Variants in TNNT1 observed in about 807,000 individuals in gnomAD.
TNNT1 encodes troponin T1, slow skeletal type, also known as troponin T, slow skeletal muscle.
In TNNT1, 53 loss-of-function variants were observed where a neutral mutation model predicts 50.6. The ratio of observed to expected loss-of-function variants is 1.05; its 90% CI spans 0.84 to 1.32. TNNT1 has a LOEUF of 1.32. Ranked by LOEUF, TNNT1 falls within the 40% of genes most tolerant of loss-of-function variation. The probability of loss-of-function intolerance (pLI) is 0.00; values close to 1 mark genes in which losing one functional copy is unlikely to be tolerated. For synonymous variants in TNNT1, 142 were observed against 138.0 expected (o/e 1.03, Z -0.20); for missense variants, 348 against 381.7 (o/e 0.91, Z 0.74).
chr19:55,146,190 G>A (rs1439492851), intron 5 of TNNT1, among the ~76,000 whole-genome samples: 1 of 152,110 alleles, frequency 6.6e-6, no homozygotes, highest in Non-Finnish European at 1.5e-5. Context: ...CCAGACTGGG[G>A]AAGAAGGCTT....
At chr19:55,145,279 G>T in intron 6 of TNNT1, 1 of 530,968 alleles carries the variant, frequency 1.9e-6, no homozygotes. Flanking sequence ...CTGGGTAACA[G>T]GGTGGAGACT....
chr19:55,145,313 G>A lies in TNNT1; in HGVS notation c.128+231C>T, dbSNP rs1393892018. 5.2e-6 allele frequency: 3 copies of A among 579,976 alleles called. No individual in the cohort carries two copies. In the East Asian group the frequency reaches 8.8e-5, roughly 17 times the overall value. 35.9% of individuals were successfully genotyped at this position (579,976 alleles called of 1,614,324 possible). A position where few individuals can be genotyped will look rare whatever the true frequency, so the allele number is the denominator to read the frequency against. ...CTATGACCACGATGAAGAAGAAGGG[G>A]AAGGAGAAGGAGAAGGGGAAGGGGA... On this transcript the variant is annotated intron_variant, in intron 6 of 13. Transcript: ENST00000588981.
Position 55,145,648 on chromosome 19 carries a change from C to A in TNNT1, c.107-83G>T, listed in dbSNP as rs1380271668. 7 of 1,507,268 alleles carry A rather than the reference C, an allele frequency of 4.6e-6. No homozygotes were observed. The Admixed American group carries it at 8.4e-5, about 18-fold the overall frequency. 93.4% of individuals were successfully genotyped at this position (1,507,268 alleles called of 1,614,324 possible). On this transcript the variant is annotated intron_variant, in intron 5 of 13. Coordinates refer to ENST00000588981, the MANE Select transcript of TNNT1 (RefSeq NM_003283.6). ...AGGCCTGACACACCCTGGGGAGGGACCCCCCAAGCCTCGGCCCCCAGGACC... is the reference window on the plus strand; with the variant it reads ...AGGCCTGACACACCCTGGGGAGGGAACCCCCAAGCCTCGGCCCCCAGGACC...
At chr19:55,141,793 GA>G in intron 7 of TNNT1, 63 bp downstream of exon 7, 4 of 1,588,658 alleles carry the variant, frequency 2.5e-6, no homozygotes, top group Non-Finnish European at 3.5e-6. Flanking sequence ...GCCTTTTCAT[GA>G]TTGACACAAA....
At chr19:55,142,100 T>G (rs1390966829) in intron 6 of TNNT1, 180 bp from the exon 7 acceptor site, 1 of 616,450 alleles carries the variant, frequency 1.6e-6, no homozygotes, top group African/African-American at 1.8e-5. Context: ...ACCTCACTAC[T>G]CATGTTTTTT....
chr19:55,146,664 G>T lies in TNNT1; in HGVS notation c.73+17C>A. The T allele has an allele frequency of 1.4e-6, 2 of 1,447,134 alleles. No individual in the cohort carries two copies. Among genetic ancestry groups the T allele is most frequent in the Non-Finnish European group, 1.8e-6 (2 of 1,083,728 alleles). The allele number at this position is 1,447,134 out of a possible 1,614,324, so 89.6% of individuals were successfully genotyped here. On this transcript the variant is annotated intron_variant, in intron 4 of 13. Coordinates refer to ENST00000588981, the MANE Select transcript of TNNT1 (RefSeq NM_003283.6). ...CCCCACCCCCCAGCTCCAGACCTGCGGAGTCCGGGACCTCACCTTCCTCCT... is the reference window on the plus strand; with the variant it reads ...CCCCACCCCCCAGCTCCAGACCTGCTGAGTCCGGGACCTCACCTTCCTCCT...
At position 55,147,475 on chromosome 19, in the gene TNNT1, A is replaced by G. The variant is rs12977796; in HGVS notation, c.-11-307T>C. The G allele has an allele frequency of 6.4e-3, 1,591 of 247,062 alleles. 32 individuals are homozygous for G. Among genetic ancestry groups the G allele is most frequent in the African/African-American group, 0.018 (253 of 14,168 alleles). The allele number at this position is 247,062 out of a possible 1,614,324, so 15.3% of individuals were successfully genotyped here. On this transcript the variant is annotated intron_variant, in intron 1 of 13. Transcript: ENST00000588981. The stretch of plus-strand genomic sequence containing the variant: ...GGGGCCTGGACTCCTGGGTCTGAGG[A>G]AGGAGGGGCTGGGGCCTGGACTTCT...
At chr19:55,145,358 G>T in intron 6 of TNNT1, 186 bp downstream of exon 6, 2 of 657,158 alleles carry the variant, frequency 3.0e-6, no homozygotes, top group Non-Finnish European at 5.5e-6. Context: ...AGTGGAGGAG[G>T]AGGAGGGAGG....
chr19:55,139,620 G>A (rs2742059), intron 9 of TNNT1, among the ~76,000 whole-genome samples: 63,380 of 151,666 alleles, frequency 0.42, 15,643 homozygotes, highest in African/African-American at 0.67. Context: ...TTCCCCACAG[G>A]TAATCCAGGA....
intron 5 of TNNT1, 45 bp downstream of exon 5, chr19:55,146,389 C>CG: frequency 7.6e-7 from 1 of 1,323,786 alleles, no homozygotes; most frequent in Non-Finnish European, 9.7e-7. Context: ...GGGGTCCCCC[C>CG]GGGCCCCCGA....
In TNNT1 at chr19:55,133,877, T is replaced by C; in HGVS notation, c.791+10A>G. On this transcript the variant is annotated intron_variant, in intron 13 of 13. Coordinates refer to ENST00000588981, the MANE Select transcript of TNNT1 (RefSeq NM_003283.6). Reference sequence around the variant, plus strand: ...GGACAAGAGCAAGGGCTTGAGACGGTCACACTCACAACTTCTGGGCGTGGC... The same window carrying C: ...GGACAAGAGCAAGGGCTTGAGACGGCCACACTCACAACTTCTGGGCGTGGC... The C allele has an allele frequency of 4.3e-6, 7 of 1,613,760 alleles. No individual in the cohort carries two copies. Among genetic ancestry groups the C allele is most frequent in the Non-Finnish European group, 5.9e-6 (7 of 1,179,978 alleles).
chr19:55,141,499 C>G (rs2085454139), intron 7 of TNNT1, among the ~76,000 whole-genome samples, 197 bp from the exon 8 acceptor site: 1 of 151,202 alleles, frequency 6.6e-6, no homozygotes, highest in Admixed American at 6.6e-5. Context: ...GAGTGGGGAC[C>G]GGCGCCTTTT....
chr19:55,140,788 A>C, intron 9 of TNNT1, 95 bp downstream of exon 9: 1 of 801,738 alleles, frequency 1.2e-6, no homozygotes, highest in Non-Finnish European at 1.7e-6. Context: ...AAGAATAATA[A>C]TAATAGTAAT....
chr19:55,132,934 A>G lies in TNNT1; in HGVS notation c.818T>C (p.Val273Ala). The G allele has an allele frequency of 6.2e-7, 1 of 1,604,050 alleles. No individual in the cohort carries two copies. Among genetic ancestry groups the G allele is most frequent in the Non-Finnish European group, 8.5e-7 (1 of 1,176,452 alleles). ...KFRKGAGKGR[V>A]GGRWK is the part of the protein sequence containing the mutation. Reference sequence around the variant, plus strand: ...GCATCCTCACTTCCAGCGGCCTCCAACGCGGCCCTTCCCTGCCCCCTTCCG... The same window carrying G: ...GCATCCTCACTTCCAGCGGCCTCCAGCGCGGCCCTTCCCTGCCCCCTTCCG... The change falls in exon 14 of 14, where the codon GTT becomes GCT. Residue 273 changes from valine to alanine, a missense_variant. Physicochemically the swap from Val to Ala is moderately conservative, Grantham distance 64. This residue lies in a region of TNNT1 where 253 missense variants were observed against 291.8 expected (regional missense o/e 0.87). Coordinates refer to ENST00000588981, the MANE Select transcript of TNNT1 (RefSeq NM_003283.6).
intron 6 of TNNT1, 161 bp downstream of exon 6, chr19:55,145,376 AGAGGAGG>A (rs1427618990): frequency 1.1e-5 from 7 of 643,222 alleles, no homozygotes; most frequent in Non-Finnish European, 1.7e-5. Flanking sequence ...AGGAGGAGGG[AGAGGAGG>A]GAGGAGGGAA....
intron 6 of TNNT1, 141 bp downstream of exon 6, chr19:55,145,403 G>A: frequency 3.2e-6 from 2 of 626,822 alleles, no homozygotes; most frequent in African/African-American, 1.9e-5. Context: ...AAGGGGGAGG[G>A]AGGAGGAGGA....
intron 13 of TNNT1, chr19:55,133,665 G>A (rs949158869): frequency 3.2e-5 from 19 of 597,090 alleles, no homozygotes; most frequent in East Asian, 1.1e-4. Flanking sequence ...GTGACAGAGC[G>A]AGACGCAGTC....
rs528578634 is a variant in TNNT1 at position 55,145,393 on chromosome 19, A to G, written c.128+151T>C. The G allele has an allele frequency of 2.5e-4, 173 of 688,392 alleles. No homozygotes were observed. The African/African-American group carries it at 3.2e-3, about 13-fold the overall frequency. The allele number at this position is 688,392 out of a possible 1,614,324, so 42.6% of individuals were successfully genotyped here. On this transcript the variant is annotated intron_variant, in intron 6 of 13. Transcript: ENST00000588981. Reference sequence around the variant, plus strand: ...GAGGAGGGAGAGGAGGGAGGAGGGAAAGGGGGAGGGAGGAGGAGGAGGAGG... The same window carrying G: ...GAGGAGGGAGAGGAGGGAGGAGGGAGAGGGGGAGGGAGGAGGAGGAGGAGG...
chr19:55,147,713 C>CCTGGCCTCCTGGGTCTG (rs1568851205), intron 1 of TNNT1, among the ~76,000 whole-genome samples: 36 of 34,242 alleles, frequency 1.1e-3, no homozygotes, highest in African/African-American at 2.9e-3. Context: ...GAGGAGGGGC[C>CCTGGCCTCCTGGGTCTG]AGGGGCCTGG....
Sources: allele counts gnomAD v4.1 joint callset (sites outside exome capture counted in the v4.1 genomes callset), GRCh38; gene constraint gnomAD v4.1.1; regional missense constraint gnomAD v4.1.1; transcripts MANE v1.5; gene names NCBI Gene and HGNC (gene_info 2026-07-23, HGNC 2026-07-21).